ARHGAP10: variants seen among roughly 807,000 people sequenced by gnomAD.
The protein encoded by ARHGAP10 is rho GTPase-activating protein 10.
Under a neutral mutation model 108.6 loss-of-function variants are expected in ARHGAP10, and 87 were observed. That is an observed-to-expected ratio of 0.80 (90% CI 0.67 to 0.96). ARHGAP10 has a LOEUF of 0.96. Ranked by LOEUF, ARHGAP10 falls within the 40% of genes least tolerant of loss-of-function variation. The probability of loss-of-function intolerance (pLI) is 0.00; values close to 1 mark genes in which losing one functional copy is unlikely to be tolerated. For missense variants in ARHGAP10, 939 were observed against 954.5 expected, an observed-to-expected ratio of 0.98 and a Z score of 0.21; for synonymous variants, 347 against 341.1, an observed-to-expected ratio of 1.02 and a Z score of -0.19.
intron 18 of ARHGAP10, among the ~76,000 whole-genome samples, chr4:147,994,758 G>T (rs1740407271): frequency 6.6e-6 from 1 of 152,142 alleles, no homozygotes. Flanking sequence ...CGTAAAAGTT[G>T]AAACATTCTC....
chr4:147,803,054 G>T lies in ARHGAP10; in HGVS notation c.155-19673G>T, dbSNP rs534664135. On this transcript the variant is annotated intron_variant, in intron 1 of 22. Transcript: ENST00000336498. ...GATGGAGCCTTGCTCTGTTGCCCAGGCTGGAGGGCAGTGGTGTGATCTTGG... is the reference window on the plus strand; with the variant it reads ...GATGGAGCCTTGCTCTGTTGCCCAGTCTGGAGGGCAGTGGTGTGATCTTGG... 5.3e-5 allele frequency among the ~76,000 whole-genome samples: 8 copies of T among 152,082 alleles called. No homozygotes were observed. In the South Asian group the frequency reaches 1.7e-3, roughly 32 times the overall value.
chr4:147,846,349 A>G (rs974370283), intron 3 of ARHGAP10, among the ~76,000 whole-genome samples: 1 of 152,202 alleles, frequency 6.6e-6, no homozygotes, highest in African/African-American at 2.4e-5. Flanking sequence ...ATTCTTAAAT[A>G]GTGTTTCGAG....
chr4:147,824,805 T>G (rs754518982), intron 3 of ARHGAP10, among the ~76,000 whole-genome samples: 3 of 152,216 alleles, frequency 2.0e-5, no homozygotes, highest in Non-Finnish European at 4.4e-5. Context: ...TTATGGAGTT[T>G]ACGCTTTCGT....
chr4:147,977,015 G>A (rs539182603), intron 18 of ARHGAP10, among the ~76,000 whole-genome samples: 1 of 152,324 alleles, frequency 6.6e-6, no homozygotes, highest in African/African-American at 2.4e-5. Flanking sequence ...TCATGTTAGG[G>A]ATGGGATTGA....
At chr4:147,992,606 A>G (rs1019834558) in intron 18 of ARHGAP10, among the ~76,000 whole-genome samples, 2 of 151,882 alleles carry the variant, frequency 1.3e-5, no homozygotes, top group African/African-American at 4.8e-5. Context: ...GGGTTTCACC[A>G]TGTTGGCCAG....
chr4:147,920,698 G>A (rs958474373), intron 13 of ARHGAP10, among the ~76,000 whole-genome samples: 1 of 152,188 alleles, frequency 6.6e-6, no homozygotes, highest in Non-Finnish European at 1.5e-5. Flanking sequence ...TAATTGAAGT[G>A]TACCAGATGA....
intron 13 of ARHGAP10, among the ~76,000 whole-genome samples, chr4:147,927,904 A>G (rs1423284791): frequency 1.3e-5 from 2 of 152,192 alleles, no homozygotes; most frequent in Non-Finnish European, 2.9e-5. Flanking sequence ...GGGGCCCCAA[A>G]GGTTACTAAT....
intron 20 of ARHGAP10, among the ~76,000 whole-genome samples, chr4:148,048,140 A>T (rs1353000953): frequency 1.3e-5 from 2 of 152,196 alleles, no homozygotes; most frequent in African/African-American, 2.4e-5. Context: ...AGAGTCTTCA[A>T]AAAATTTTGT....
intron 20 of ARHGAP10, among the ~76,000 whole-genome samples, chr4:148,053,740 A>C (rs1287644260): frequency 6.6e-6 from 1 of 152,132 alleles, no homozygotes; most frequent in African/African-American, 2.4e-5. Flanking sequence ...TTGTATAGAA[A>C]TTATGCTATG....
intron 1 of ARHGAP10, among the ~76,000 whole-genome samples, chr4:147,769,590 G>A (rs1312529634): frequency 6.6e-6 from 1 of 152,068 alleles, no homozygotes; most frequent in African/African-American, 2.4e-5. Flanking sequence ...TAATACTTAC[G>A]GTGATCACCC....
At chr4:147,898,860 A>C (rs1736104170) in intron 10 of ARHGAP10, among the ~76,000 whole-genome samples, 1 of 152,100 alleles carries the variant, frequency 6.6e-6, no homozygotes, top group Admixed American at 6.5e-5. Context: ...GAACTGCCAA[A>C]CACTTTTAAA....
chr4:147,735,093 C>G (rs1426560966), intron 1 of ARHGAP10, among the ~76,000 whole-genome samples: 2 of 152,150 alleles, frequency 1.3e-5, no homozygotes, highest in Admixed American at 1.3e-4. Flanking sequence ...CCTATGCGAC[C>G]TGAAGGCTTA....
rs1445889792 is a variant in ARHGAP10 at position 147,732,402 on chromosome 4, A to G, written c.101A>G (p.Lys34Arg). Residue 34 changes from lysine to arginine, a missense_variant, in exon 1 of 23, where the codon AAG becomes AGG. Coordinates refer to ENST00000336498, the MANE Select transcript of ARHGAP10 (RefSeq NM_024605.4). ...AHEAELERTN[K>R]FIKELIKDGK... Reference sequence around the variant, plus strand: ...GAAGCGGAACTCGAGAGGACCAACAAGTTCATCAAAGAGCTCATTAAGGAC... The same window carrying G: ...GAAGCGGAACTCGAGAGGACCAACAGGTTCATCAAAGAGCTCATTAAGGAC... The G allele has an allele frequency of 3.1e-6, 5 of 1,613,280 alleles. No homozygotes were observed. Among genetic ancestry groups the G allele is most frequent in the Non-Finnish European group, 4.2e-6 (5 of 1,179,608 alleles).
chr4:148,049,647 G>C (rs1729036632), intron 20 of ARHGAP10, among the ~76,000 whole-genome samples: 1 of 152,082 alleles, frequency 6.6e-6, no homozygotes, highest in Admixed American at 6.5e-5. Flanking sequence ...TATTTCTGCT[G>C]ATACTTATTA....
intron 1 of ARHGAP10, among the ~76,000 whole-genome samples, chr4:147,805,083 C>G (rs1386353310): frequency 6.6e-6 from 1 of 152,122 alleles, no homozygotes; most frequent in Non-Finnish European, 1.5e-5. Flanking sequence ...CCTAGGTTTT[C>G]TTCAAGAGTT....
At chr4:147,948,978 AC>A (rs1738492977) in intron 15 of ARHGAP10, among the ~76,000 whole-genome samples, 1 of 150,390 alleles carries the variant, frequency 6.6e-6, no homozygotes, top group African/African-American at 2.5e-5. Context: ...AAAAAAAAAA[AC>A]AAAAAAACCC....
chr4:148,012,092 T>C (rs1305215672), intron 18 of ARHGAP10, among the ~76,000 whole-genome samples: 1 of 152,262 alleles, frequency 6.6e-6, no homozygotes. Flanking sequence ...GAAGGCATTC[T>C]ACCTTCCTGT....
chr4:147,897,528 CT>C (rs1736042883), intron 10 of ARHGAP10, among the ~76,000 whole-genome samples: 1 of 152,036 alleles, frequency 6.6e-6, no homozygotes. Flanking sequence ...TTAGTTATGC[CT>C]TTTAATGTAT....
intron 6 of ARHGAP10, chr4:147,865,173 A>G (rs1734503210): frequency 4.6e-6 from 2 of 434,384 alleles, no homozygotes; most frequent in East Asian, 8.8e-5. Context: ...TACACGTAAT[A>G]TTCCCATTGC....
Sources: gnomAD v4.1 joint callset for allele counts (sites outside exome capture counted in the v4.1 genomes callset) on GRCh38, gnomAD v4.1.1 for gene constraint, MANE v1.5 for transcripts, NCBI Gene and HGNC (gene_info 2026-07-23, HGNC 2026-07-21) for gene names.